The following GLT8D2 variants were observed in gnomAD, a reference collection of about 807,000 sequenced individuals.
GLT8D2 encodes glycosyltransferase 8 domain-containing protein 2.
A neutral mutation model predicts 44.5 loss-of-function variants in GLT8D2; 45 were observed. That is an observed-to-expected ratio of 1.01 (90% CI 0.80 to 1.30). GLT8D2 has a LOEUF of 1.30. Among genes scored for constraint, GLT8D2 ranks in the 50% most tolerant of loss-of-function variants. The probability of loss-of-function intolerance (pLI) is 0.00; values close to 1 mark genes in which losing one functional copy is unlikely to be tolerated. For missense variants in GLT8D2, 400 were observed against 430.4 expected, an observed-to-expected ratio of 0.93 and a Z score of 0.62; for synonymous variants, 156 against 157.2, an observed-to-expected ratio of 0.99 and a Z score of 0.06.
At position 103,996,854 on chromosome 12, in the gene GLT8D2, T is replaced by A. The variant is rs763454796; in HGVS notation, c.488-7A>T. ...TACAGTTCTTGGATATCACCTGAAT[T>A]TAGAAACACCACCAAGTAAAACATT... On this transcript the variant is annotated splice_polypyrimidine_tract_variant and splice_region_variant and intron_variant, in intron 7 of 10. Transcript: ENST00000360814. 1.9e-6 allele frequency: 3 copies of A among 1,593,084 alleles called. No individual in the cohort carries two copies. The highest frequency in any genetic ancestry group is 1.7e-5 in the Admixed American group (1 of 59,168).
chr12:104,003,187 C>T lies in GLT8D2; in HGVS notation c.232G>A (p.Ala78Thr), dbSNP rs181331226. The change falls in exon 5 of 11, where the codon GCC (alanine) becomes ACC (threonine). Residue 78 changes from alanine to threonine, a missense_variant. By Grantham distance (58) the Ala-to-Thr change is moderately conservative. Coordinates refer to ENST00000360814, the MANE Select transcript of GLT8D2 (RefSeq NM_001384711.1). ...AINSIYSNTD[A>T]NILFYVVGLR... ...CCCACTACATAGAACAAGATGTTGG[C>T]GTCAGTGTTGCTGTAGATGCTATTG... 71 of 1,614,086 alleles carry T rather than the reference C, an allele frequency of 4.4e-5. No individual in the cohort carries two copies. The African/African-American group carries it at 4.9e-4, about 11-fold the overall frequency.
Position 103,990,129 on chromosome 12 carries a change from A to ATC in GLT8D2, c.881-553_881-552insGA, listed in dbSNP as rs1872572952. On this transcript the variant is annotated intron_variant, in intron 10 of 10. Coordinates refer to ENST00000360814, the MANE Select transcript of GLT8D2 (RefSeq NM_001384711.1). ...TATATATATATATATATATATATAT[A>ATC]TATATGTAGGATAAAATATTGTAGG... 6.0e-5 allele frequency among the ~76,000 whole-genome samples: 5 copies of ATC among 84,002 alleles called. 1 individual carries two copies. Among genetic ancestry groups the ATC allele is most frequent in the African/African-American group, 1.3e-4 (3 of 22,490 alleles). 55.1% of individuals were successfully genotyped at this position (84,002 alleles called of 152,430 possible).
At chr12:103,992,489 CTCTT>C (rs912386449) in intron 10 of GLT8D2, among the ~76,000 whole-genome samples, 4 of 141,696 alleles carry the variant, frequency 2.8e-5, no homozygotes, top group Non-Finnish European at 4.6e-5. Context: ...CTCTCTCTCT[CTCTT>C]TTTTTTTTTT....
chr12:103,999,439 C>G lies in GLT8D2; in HGVS notation c.360G>C (p.Gly120=). Reference sequence around the variant, plus strand: ...GCCTCGATGAGTCTGGTCTGATCTTCCCTTTGAGGACCATCGGGTTGAATT... The same window carrying G: ...GCCTCGATGAGTCTGGTCTGATCTTGCCTTTGAGGACCATCGGGTTGAATT... ...IVEFNPMVLK[G]KIRPDSSRPE... is the part of the protein sequence containing the mutation. The change falls in exon 6 of 11, where the codon GGG becomes GGC. Residue 120 remains glycine (G), a synonymous_variant. Transcript: ENST00000360814. 6.2e-7 allele frequency: 1 copy of G among 1,613,366 alleles called. No individual in the cohort carries two copies. Among genetic ancestry groups the G allele is most frequent in the Non-Finnish European group, 8.5e-7 (1 of 1,179,388 alleles).
intron 8 of GLT8D2, 81 bp downstream of exon 8, chr12:103,996,654 A>T: frequency 2.1e-6 from 2 of 967,344 alleles, no homozygotes; most frequent in East Asian, 2.4e-5. Context: ...TGGAGGTTAC[A>T]CTCATTTTGA....
chr12:104,035,348 G>A (rs547432375), intron 1 of GLT8D2, among the ~76,000 whole-genome samples: 2 of 152,304 alleles, frequency 1.3e-5, no homozygotes, highest in South Asian at 4.1e-4. Flanking sequence ...GGCTTCAGAA[G>A]GTTGGTAATA....
intron 1 of GLT8D2, among the ~76,000 whole-genome samples, chr12:104,026,196 T>C (rs1192773779): frequency 6.6e-6 from 1 of 151,276 alleles, no homozygotes; most frequent in African/African-American, 2.4e-5. Flanking sequence ...CAAGAATCAC[T>C]TGAACCTGCG....
At position 103,999,528 on chromosome 12, in the gene GLT8D2, C is replaced by A. The variant is rs202234717; in HGVS notation, c.285-14G>T. On this transcript the variant is annotated splice_polypyrimidine_tract_variant and intron_variant, in intron 5 of 10. Coordinates refer to ENST00000360814, the MANE Select transcript of GLT8D2 (RefSeq NM_001384711.1). ...TCAATCCATTTTCTAAAAAGATGACCAAAAAAACCTCTAGTATACCCTTCA... is the reference window on the plus strand; with the variant it reads ...TCAATCCATTTTCTAAAAAGATGACAAAAAAAACCTCTAGTATACCCTTCA... 95 of 1,360,506 alleles carry A rather than the reference C, an allele frequency of 7.0e-5. 1 individual carries two copies. In the South Asian group the frequency reaches 8.6e-4, roughly 12 times the overall value. 84.3% of individuals were successfully genotyped at this position (1,360,506 alleles called of 1,614,324 possible). A position where few individuals can be genotyped will look rare whatever the true frequency, so the allele number is the denominator to read the frequency against.
chr12:104,024,566 G>A (rs960608601), intron 1 of GLT8D2, among the ~76,000 whole-genome samples: 50 of 152,008 alleles, frequency 3.3e-4, no homozygotes, highest in African/African-American at 7.7e-4. Flanking sequence ...TGGTATTGCC[G>A]GTATTTTTTT....
chr12:104,020,932 G>A (rs1877546319), intron 2 of GLT8D2, among the ~76,000 whole-genome samples: 1 of 152,158 alleles, frequency 6.6e-6, no homozygotes, highest in Non-Finnish European at 1.5e-5. Flanking sequence ...GCCTGAAGAG[G>A]AGTTTGGATT....
rs547392677 is a variant in GLT8D2, at chr12:104,032,466, C to CAAAAAAAAAAAAAAAAAAAAA, written c.-163-10996_-163-10976dup. ...ATAATAAAGGAGTGATGTGCAATAG[C>CAAAAAAAAAAAAAAAAAAAAA]AAAAAAAAAAAAAAAAAAAAAAAAA... is the stretch of plus-strand genomic sequence containing the variant. On this transcript the variant is annotated intron_variant, in intron 1 of 10. Transcript: ENST00000360814. Among the ~76,000 whole-genome samples the CAAAAAAAAAAAAAAAAAAAAA allele has an allele frequency of 3.9e-4, 23 of 59,656 alleles. 1 individual carries two copies. Among genetic ancestry groups the CAAAAAAAAAAAAAAAAAAAAA allele is most frequent in the South Asian group, 1.1e-3 (2 of 1,868 alleles). 39.1% of individuals were successfully genotyped at this position (59,656 alleles called of 152,430 possible).
intron 5 of GLT8D2, among the ~76,000 whole-genome samples, chr12:104,002,320 A>G (rs184733821): frequency 6.8e-4 from 103 of 152,264 alleles, no homozygotes; most frequent in African/African-American, 2.3e-3. Flanking sequence ...TTATCTGGTT[A>G]TATCCTATGC....
At chr12:104,060,264 G>C (rs1843371) in intron 1 of GLT8D2, among the ~76,000 whole-genome samples, 34,594 of 151,926 alleles carry the variant, frequency 0.23, 4,953 homozygotes, top group East Asian at 0.48. Context: ...CCCCATCAAT[G>C]CTGGCTTCTT....
chr12:104,008,096 G>T (rs1049898915), intron 4 of GLT8D2, among the ~76,000 whole-genome samples: 1 of 152,220 alleles, frequency 6.6e-6, no homozygotes, highest in Non-Finnish European at 1.5e-5. Flanking sequence ...AGAGTGGGAC[G>T]TTGTTGAAAA....
intron 3 of GLT8D2, among the ~76,000 whole-genome samples, chr12:104,016,701 AAGGGAGAG>A (rs1247209886): frequency 2.9e-3 from 285 of 99,982 alleles, no homozygotes; most frequent in African/African-American, 3.4e-3. Flanking sequence ...GAAAGAAAGA[AAGGGAGAG>A]AGAAAGAAAG....
intron 1 of GLT8D2, among the ~76,000 whole-genome samples, chr12:104,044,871 T>A (rs896666198): frequency 9.9e-5 from 15 of 152,268 alleles, no homozygotes; most frequent in Non-Finnish European, 1.9e-4. Context: ...GAATAAATAC[T>A]CATATACCTT....
chr12:104,015,403 C>CAA (rs1555278727), intron 3 of GLT8D2, among the ~76,000 whole-genome samples: 5 of 148,652 alleles, frequency 3.4e-5, no homozygotes, highest in African/African-American at 1.3e-4. Context: ...AACACACACA[C>CAA]ACACACACAC....
At chr12:104,031,479 G>C in intron 1 of GLT8D2, 2 of 1,613,424 alleles carry the variant, frequency 1.2e-6, no homozygotes, top group East Asian at 2.2e-5. Context: ...CAGTTTCTGG[G>C]GGATGAGGAG....
intron 1 of GLT8D2, among the ~76,000 whole-genome samples, chr12:104,032,611 A>G (rs946838150): frequency 4.6e-5 from 7 of 152,186 alleles, no homozygotes; most frequent in South Asian, 2.1e-4. Context: ...CCACAATAGG[A>G]TATCACTTCA....
Sources: gnomAD v4.1 joint callset for allele counts (sites outside exome capture counted in the v4.1 genomes callset) on GRCh38, gnomAD v4.1.1 for gene constraint, MANE v1.5 for transcripts, NCBI Gene and HGNC (gene_info 2026-07-23, HGNC 2026-07-21) for gene names.